Variants in ZNF630 observed in about 807,000 individuals in gnomAD.
The protein encoded by ZNF630 is zinc finger protein 630, also known as dJ54B20.2 (novel KRAB box containing C2H2 type zinc finger protein).
Under a neutral mutation model 7.2 loss-of-function variants are expected in ZNF630, and 5 were observed. The ratio of observed to expected loss-of-function variants is 0.70; its 90% CI spans 0.36 to 1.46. The LOEUF (loss-of-function observed/expected upper bound fraction) is 1.46. Among genes scored for constraint, ZNF630 ranks in the 40% most tolerant of loss-of-function variants. The pLI is 0.03. For missense variants in ZNF630, 461 were observed against 477.0 expected, an observed-to-expected ratio of 0.97 and a Z score of 0.31; for synonymous variants, 158 against 162.8, an observed-to-expected ratio of 0.97 and a Z score of 0.23.
rs2059077552 is a variant in ZNF630 at position 48,057,958 on chromosome X, AG to A, written c.*509del. 9.0e-6 allele frequency among the ~76,000 whole-genome samples: 1 copy of A among 110,653 alleles called. No individual in the cohort carries two copies. Among genetic ancestry groups the A allele is most frequent in the African/African-American group, 3.3e-5 (1 of 30,226 alleles). On this transcript the variant is annotated 3_prime_UTR_variant, in exon 5 of 5. Transcript: ENST00000276054. ...ATAATCCCAGCTACTCGAGAGGGCG[AG>A]GCAGGACAATCGCTCAAACCTAGGA...
At position 48,058,313 on chromosome X, in the gene ZNF630, G is replaced by A. The variant is rs2059079157; in HGVS notation, c.*155C>T. On this transcript the variant is annotated 3_prime_UTR_variant, in exon 5 of 5. Transcript: ENST00000276054. ...ATATTTGTGATGTTGAAAATATTCT[G>A]AGGGCCTAAGCAGATCATTCTGTGG... is the stretch of plus-strand genomic sequence containing the variant. 2 of 469,211 alleles carry A rather than the reference G, an allele frequency of 4.3e-6. No homozygotes were observed. The highest frequency in any genetic ancestry group is 1.0e-4 in the Admixed American group (2 of 19,765). The allele number at this position is 469,211 out of a possible 1,213,427, so 38.7% of individuals were successfully genotyped here. A position where few individuals can be genotyped will look rare whatever the true frequency, so the allele number is the denominator to read the frequency against.
rs41312151 is a variant in ZNF630, at chrX:48,060,479, T to C, written c.209A>G (p.Glu70Gly). 1.3e-5 allele frequency: 16 copies of C among 1,207,457 alleles called. No homozygotes were observed. Among genetic ancestry groups the C allele is most frequent in the Non-Finnish European group, 1.8e-5 (16 of 892,596 alleles). ...LEHGKDPWIIESELSRWIYPD... is the reference protein window; with the variant it reads ...LEHGKDPWIIGSELSRWIYPD... The stretch of plus-strand genomic sequence containing the variant: ...GTAGATCCACCTTGACAACTCACTC[T>C]CTATGATCCATGGGTCCTTTCCATG... Residue 70 changes from glutamate to glycine, a missense_variant, in exon 4 of 5, where the codon GAG becomes GGG. By Grantham distance (98) the Glu-to-Gly change is moderately conservative. Coordinates refer to ENST00000276054, the MANE Select transcript of ZNF630 (RefSeq NM_001282201.2).
Position 48,069,117 on chromosome X carries a change from T to G in ZNF630, c.-175-2056A>C, listed in dbSNP as rs183022663. Among the ~76,000 whole-genome samples the G allele has an allele frequency of 3.5e-3, 379 of 109,739 alleles. 4 individuals are homozygous for G. Among genetic ancestry groups the G allele is most frequent in the African/African-American group, 0.012 (355 of 29,946 alleles). On this transcript the variant is annotated intron_variant, in intron 1 of 4. Coordinates refer to ENST00000276054, the MANE Select transcript of ZNF630 (RefSeq NM_001282201.2). ...TTAGCCGGGCGTGGTGGTGCACACC[T>G]GTAGTCCTGGCTACTTGGCAGGCTG...
intron 2 of ZNF630, chrX:48,061,937 G>A: frequency 7.7e-6 from 1 of 129,615 alleles, no homozygotes; most frequent in Non-Finnish European, 1.6e-5. Flanking sequence ...GATGGTCAAG[G>A]GACATGACCA....
At position 48,060,205 on chromosome X, in the gene ZNF630, TGAAGGAAGAAGAAAG is replaced by T; in HGVS notation, c.239-17_239-3del. The T allele has an allele frequency of 8.9e-7, 1 of 1,125,635 alleles. No homozygotes were observed. The highest frequency in any genetic ancestry group is 1.2e-6 in the Non-Finnish European group (1 of 854,532). 92.8% of individuals were successfully genotyped at this position (1,125,635 alleles called of 1,213,427 possible). A position where few individuals can be genotyped will look rare whatever the true frequency, so the allele number is the denominator to read the frequency against. ...AAGATTCAAGGCCTTTCACTCTGTC[TGAAGGAAGAAGAAAG>T]AGGGAAAATCAAATACACACACACA... On this transcript the variant is annotated splice_region_variant and splice_polypyrimidine_tract_variant and intron_variant, in intron 4 of 4. Transcript: ENST00000276054.
intron 3 of ZNF630, 52 bp from the exon 4 acceptor site, chrX:48,060,597 G>T (rs782491081): frequency 1.8e-6 from 2 of 1,081,514 alleles, no homozygotes; most frequent in Non-Finnish European, 2.5e-6. Context: ...AGAAATTCAT[G>T]AAGAGAAGCA....
intron 2 of ZNF630, chrX:48,066,604 G>A: frequency 2.7e-6 from 1 of 368,890 alleles, no homozygotes; most frequent in Non-Finnish European, 4.7e-6. Flanking sequence ...CTAAGGAGCT[G>A]GACTGATTTC....
rs1437068895 is a variant in ZNF630, at chrX:48,058,604, T to C, written c.1838A>G (p.Gln613Arg). 4 of 1,206,839 alleles carry C rather than the reference T, an allele frequency of 3.3e-6. No homozygotes were observed. The highest frequency in any genetic ancestry group is 4.5e-6 in the Non-Finnish European group (4 of 892,956). The change falls in exon 5 of 5, where the codon CAG becomes CGG. Residue 613 changes from glutamine to arginine, a missense_variant. Transcript: ENST00000276054. Reference sequence around the variant, plus strand: ...GTGTCTTCTCTGATATGTAATCATCTGTGATTTCCAGAAAAAAGTCATTCC... The same window carrying C: ...GTGTCTTCTCTGATATGTAATCATCCGTGATTTCCAGAAAAAAGTCATTCC... ...ESGMTFFWKS[Q>R]MITYQRRHTG...
chrX:48,060,099 CA>C lies in ZNF630; in HGVS notation c.342del (p.Val115PhefsTer2). Reference protein sequence around the residue: ...ERAPKDNSLYSVLKIWHIDNQ... With the variant: ...ERAPKDNSLYXVLKIWHIDNQ... Reference sequence around the variant, plus strand: ...TTATCAATATGCCAGATTTTTAAAACAGAGTACAATGAATTATCCTTTGGGG... The same window carrying C: ...TTATCAATATGCCAGATTTTTAAAACGAGTACAATGAATTATCCTTTGGGG... On this transcript the variant is annotated frameshift_variant, in exon 5 of 5. Coordinates refer to ENST00000276054, the MANE Select transcript of ZNF630 (RefSeq NM_001282201.2). LOFTEE classifies it low-confidence loss of function (END_TRUNC). The C allele has an allele frequency of 3.4e-6, 4 of 1,190,624 alleles. No individual in the cohort carries two copies. In the South Asian group the frequency reaches 7.3e-5, roughly 22 times the overall value.
Position 48,058,385 on chromosome X carries a change from T to G in ZNF630, c.*83A>C. ...GGAACATATTAGTCTATTCTACAGT[T>G]GAGAAGTTGTCACTATTTCTATTCA... On this transcript the variant is annotated 3_prime_UTR_variant, in exon 5 of 5. Transcript: ENST00000276054. 2.1e-6 allele frequency: 2 copies of G among 963,281 alleles called. No individual in the cohort carries two copies. Among genetic ancestry groups the G allele is most frequent in the Non-Finnish European group, 2.8e-6 (2 of 711,718 alleles). 79.4% of individuals were successfully genotyped at this position (963,281 alleles called of 1,213,427 possible). A position where few individuals can be genotyped will look rare whatever the true frequency, so the allele number is the denominator to read the frequency against.
chrX:48,058,479 A>G lies in ZNF630; in HGVS notation c.1963T>C (p.Tyr655His). 1 of 1,176,880 alleles carries G rather than the reference A, an allele frequency of 8.5e-7. No individual in the cohort carries two copies. Among genetic ancestry groups the G allele is most frequent in the South Asian group, 2.0e-5 (1 of 50,847 alleles). Residue 655 changes from tyrosine to histidine, a missense_variant, in exon 5 of 5, where the codon TAT (tyrosine) becomes CAT (histidine). Coordinates refer to ENST00000276054, the MANE Select transcript of ZNF630 (RefSeq NM_001282201.2). ...HQNPYRKDTL[Y>H]IC The stretch of plus-strand genomic sequence containing the variant: ...AGGCCTTCCCACAATCAGCATATAT[A>G]CAAGGTGTCTTTCCTATATGGATTC...
At chrX:48,061,089 T>C (rs2059103556) in intron 2 of ZNF630, 144 bp from the exon 3 acceptor site, 2 of 429,527 alleles carry the variant, frequency 4.7e-6, no homozygotes, top group Non-Finnish European at 7.5e-6. Context: ...GAATAGTTAG[T>C]GGAACAGAAC....
At chrX:48,067,859 C>T (rs2059137856) in intron 1 of ZNF630, among the ~76,000 whole-genome samples, 1 of 109,994 alleles carries the variant, frequency 9.1e-6, no homozygotes, top group Admixed American at 9.8e-5. Flanking sequence ...CCCAGGAGTT[C>T]GAGACCAACC....
chrX:48,058,663 A>T lies in ZNF630; in HGVS notation c.1779T>A (p.His593Gln). The T allele has an allele frequency of 1.7e-6, 2 of 1,207,059 alleles. No homozygotes were observed. Among genetic ancestry groups the T allele is most frequent in the East Asian group, 3.0e-5 (1 of 33,798 alleles). Residue 593 changes from histidine (H) to glutamine (Q), a missense_variant, in exon 5 of 5, where the codon CAT becomes CAA. Coordinates refer to ENST00000276054, the MANE Select transcript of ZNF630 (RefSeq NM_001282201.2). ...CACATTCAGGGGTTTTCTCCCTAGG[A>T]TGAGTTTTCTGATGTATAATGAGTG... ...KSPLIIHQKT[H>Q]PREKTPECAE...
At chrX:48,066,309 G>A (rs2059131055) in intron 2 of ZNF630, 1 of 93,781 alleles carries the variant, frequency 1.1e-5, no homozygotes, top group East Asian at 3.1e-4. Context: ...CCCATGTATA[G>A]ATTACCTTTT....
At chrX:48,069,755 T>C (rs1408080522) in intron 1 of ZNF630, among the ~76,000 whole-genome samples, 1 of 109,724 alleles carries the variant, frequency 9.1e-6, no homozygotes, top group Non-Finnish European at 1.9e-5. Context: ...CAAGCTGTCC[T>C]AGCACTAAGA....
At chrX:48,060,998 G>A in intron 2 of ZNF630, 53 bp from the exon 3 acceptor site, 1 of 1,118,328 alleles carries the variant, frequency 8.9e-7, no homozygotes, top group Non-Finnish European at 1.2e-6. Context: ...TTTTACCATA[G>A]CAGTACATGT....
At position 48,059,269 on chromosome X, in the gene ZNF630, A is replaced by G. The variant is rs372235813; in HGVS notation, c.1173T>C (p.Phe391=). 8.3e-7 allele frequency: 1 copy of G among 1,206,874 alleles called. No individual in the cohort carries two copies. The highest frequency in any genetic ancestry group is 1.8e-5 in the African/African-American group (1 of 56,772). The change falls in exon 5 of 5, where the codon TTT becomes TTC. Residue 391 remains phenylalanine, a synonymous_variant. Transcript: ENST00000276054. ...RKAFCEMSHL[F]IHQITHTGKK... is the part of the protein sequence containing the mutation. The stretch of plus-strand genomic sequence containing the variant: ...TCCCAGTATGAGTTATCTGGTGTAT[A>G]AAAAGGTGAGACATCTCACAGAAGG...
chrX:48,065,200 A>G (rs949374537), intron 2 of ZNF630, among the ~76,000 whole-genome samples: 32 of 111,541 alleles, frequency 2.9e-4, no homozygotes. Flanking sequence ...GAGCTCTTTC[A>G]AACATTTAAG....
Sources: allele counts gnomAD v4.1 joint callset (sites outside exome capture counted in the v4.1 genomes callset), GRCh38; gene constraint gnomAD v4.1.1; transcripts MANE v1.5; gene names NCBI Gene and HGNC (gene_info 2026-07-23, HGNC 2026-07-21).